Variants in DPAGT1 observed in about 807,000 individuals in gnomAD.
DPAGT1 encodes UDP-N-acetylglucosamine--dolichyl-phosphate N-acetylglucosaminephosphotransferase.
Under a neutral mutation model 39.3 loss-of-function variants are expected in DPAGT1, and 25 were observed. That is an observed-to-expected ratio of 0.64 (90% confidence interval 0.46 to 0.89). DPAGT1 has a LOEUF of 0.89. Ranked by LOEUF, DPAGT1 falls within the 40% of genes least tolerant of loss-of-function variation. The probability of loss-of-function intolerance (pLI) is 0.00; values close to 1 mark genes in which losing one functional copy is unlikely to be tolerated. For synonymous variants in DPAGT1, 193 were observed against 201.4 expected, an observed-to-expected ratio of 0.96 and a Z score of 0.36; for missense variants, 381 against 500.6, an observed-to-expected ratio of 0.76 and a Z score of 2.28.
chr11:119,095,476 C>T, downstream of DPAGT1: 5 of 1,408,404 alleles, frequency 3.6e-6, no homozygotes, highest in East Asian at 5.0e-5. Context: ...GTCGCGCGCG[C>T]GCCGCGAGGC....
chr11:119,095,406 A>G, downstream of DPAGT1: 1 of 1,526,388 alleles, frequency 6.6e-7, no homozygotes, highest in Non-Finnish European at 8.7e-7. Context: ...CTAGCGAGGT[A>G]GACCGGTGAA....
At chr11:119,096,468 TACCCA>T, downstream of DPAGT1, 1 of 178,922 alleles carries the variant, frequency 5.6e-6, no homozygotes, top group Admixed American at 5.4e-5. Flanking sequence ...CCTCCCAATC[TACCCA>T]AAAATGCCCA....
intron 1 of DPAGT1, 126 bp from the exon 2 acceptor site, chr11:119,101,264 G>C: frequency 7.1e-7 from 1 of 1,417,478 alleles, no homozygotes; most frequent in Non-Finnish European, 9.7e-7. Context: ...TAAGTGGTGA[G>C]GGGGGCGGAG....
rs1475992539 is a variant in DPAGT1, at chr11:119,100,297, G to A, written c.608C>T (p.Ala203Val). 10 of 1,614,190 alleles carry A rather than the reference G, an allele frequency of 6.2e-6. No homozygotes were observed. The highest frequency in any genetic ancestry group is 3.3e-5 in the South Asian group (3 of 91,084). Residue 203 changes from alanine (A) to valine (V), a missense_variant, in exon 4 of 9, where the codon GCT (alanine) becomes GTT (valine). Ala to Val is a moderately conservative substitution (Grantham distance 64). Transcript: ENST00000354202. ...LEAGQSLVIS[A>V]SIIVFNLVEL... ...TACCAGGTTGAAGACAATGATGGAA[G>A]CAGAAATGACTAGTGACTGGCCAGC...
chr11:119,101,510 G>C lies in DPAGT1; in HGVS notation c.146C>G (p.Thr49Ser), dbSNP rs996593113. 17 of 1,613,994 alleles carry C rather than the reference G, an allele frequency of 1.1e-5. No homozygotes were observed. The change falls in exon 1 of 9, where the codon ACC (threonine) becomes AGC (serine). Residue 49 changes from threonine to serine, a missense_variant. Thr to Ser is a moderately conservative substitution (Grantham distance 58). Transcript: ENST00000354202. ...ARLCGQDLNK[T>S]SRQQIPESQG... is the part of the protein sequence containing the mutation. ...CGCTGCTCACATCTGCTGTCGGCTG[G>C]TTTTGTTGAGGTCCTGACCACAGAG...
intron 1 of DPAGT1, 147 bp from the exon 2 acceptor site, chr11:119,101,285 AC>A: frequency 7.3e-7 from 1 of 1,368,852 alleles, no homozygotes. Context: ...GGAGGAAAGC[AC>A]CACTGCCAGA....
At chr11:119,095,494 A>C, downstream of DPAGT1, 1 of 1,294,042 alleles carries the variant, frequency 7.7e-7, no homozygotes, top group Non-Finnish European at 1.0e-6. Context: ...GGCCGCCTTT[A>C]TAAGCCCCCA....
Position 119,101,554 on chromosome 11 carries a change from GC to G in DPAGT1, c.101del (p.Gly34AlafsTer27), listed in dbSNP as rs1179405352. ...CACAGAGGCGCGCAGCAATGAAGTG[GC>G]CCCGGAAGGCCGGGATGAGGGTGAC... ...ATVTLIPAFR[G>X]HFIAARLCGQ... On this transcript the variant is annotated frameshift_variant, in exon 1 of 9. Transcript: ENST00000354202. LOFTEE classifies it high-confidence loss of function. The G allele has an allele frequency of 1.2e-6, 2 of 1,614,228 alleles. No individual in the cohort carries two copies. Among genetic ancestry groups the G allele is most frequent in the Non-Finnish European group, 1.7e-6 (2 of 1,180,040 alleles).
intron 3 of DPAGT1, 111 bp from the exon 4 acceptor site, chr11:119,100,519 G>A: frequency 6.3e-7 from 1 of 1,595,016 alleles, no homozygotes. Flanking sequence ...TACCAGAAAG[G>A]ATCTGGGAAG....
At chr11:119,100,910 C>G (rs759540133) in intron 2 of DPAGT1, 67 bp from the exon 3 acceptor site, 46 of 1,613,750 alleles carry the variant, frequency 2.9e-5, no homozygotes, top group Non-Finnish European at 3.8e-5. Context: ...GAATTCCTGT[C>G]TTTTCTGATA....
chr11:119,098,196 T>C lies in DPAGT1; in HGVS notation c.729-153A>G, dbSNP rs1592226497. 8 of 1,164,898 alleles carry C rather than the reference T, an allele frequency of 6.9e-6. No homozygotes were observed. The East Asian group carries it at 1.9e-4, about 28-fold the overall frequency. 72.2% of individuals were successfully genotyped at this position (1,164,898 alleles called of 1,614,324 possible). ...AGCAACTCTGCAGGATCCAAGGCCC[T>C]GAATTCATCTATTCCTGGGGCCTCC... On this transcript the variant is annotated intron_variant, in intron 5 of 8. Transcript: ENST00000354202.
At position 119,097,216 on chromosome 11, in the gene DPAGT1, G is replaced by T; in HGVS notation, c.1087C>A (p.Leu363Ile). ...AGGACTTTAAGTAGCAAGTTGATGA[G>T]GGTCATGTTGTTACATTCAGTGAAT... ...GEFTECNNMT[L>I]INLLLKVLGP... Residue 363 changes from leucine to isoleucine, a missense_variant, in exon 8 of 9, where the codon CTC (leucine) becomes ATC (isoleucine). Transcript: ENST00000354202. This position sits in a 1 kb window ranked among gnomAD's most constrained non-coding sequence, Gnocchi z 4.6. 6.2e-7 allele frequency: 1 copy of T among 1,614,174 alleles called. No individual in the cohort carries two copies. Among genetic ancestry groups the T allele is most frequent in the Non-Finnish European group, 8.5e-7 (1 of 1,180,038 alleles).
Position 119,101,783 on chromosome 11 carries a change from C to G in DPAGT1, c.-128G>C. ...CAGGCTCTTCCCACACCAATCTGAG[C>G]AAAACCCAGCAACTCTGACTTGAGC... On this transcript the variant is annotated 5_prime_UTR_variant, in exon 1 of 9. Transcript: ENST00000354202. The G allele has an allele frequency of 6.5e-7, 1 of 1,550,210 alleles. No individual in the cohort carries two copies.
downstream of DPAGT1, chr11:119,094,569 C>G (rs1946358199): frequency 6.1e-6 from 1 of 164,072 alleles, no homozygotes; most frequent in African/African-American, 2.4e-5. Context: ...CCCTTAGCGA[C>G]TCGGGATGGG....
downstream of DPAGT1, chr11:119,095,284 CT>C: frequency 6.2e-7 from 1 of 1,612,754 alleles, no homozygotes; most frequent in Non-Finnish European, 8.5e-7. Flanking sequence ...CGTAGTGGCC[CT>C]TCCGCAGCAG....
Position 119,097,452 on chromosome 11 carries a change from T to G in DPAGT1, c.1005+12A>C. ...GGCAGCCTAGGGCCTTACCTCCTTG[T>G]TACCCTGTTACCTTTAAAATAAAGG... On this transcript the variant is annotated intron_variant, in intron 7 of 8. Coordinates refer to ENST00000354202, the MANE Select transcript of DPAGT1 (RefSeq NM_001382.4). This position sits in a 1 kb window ranked among gnomAD's most constrained non-coding sequence, Gnocchi z 4.6. The G allele has an allele frequency of 6.2e-7, 1 of 1,614,192 alleles. No homozygotes were observed. The highest frequency in any genetic ancestry group is 8.5e-7 in the Non-Finnish European group (1 of 1,180,014).
At chr11:119,095,511 A>T, downstream of DPAGT1, 1 of 1,124,184 alleles carries the variant, frequency 8.9e-7, no homozygotes, top group Non-Finnish European at 1.2e-6. Flanking sequence ...CCCAGGACAC[A>T]CCTCTGCGCC....
At chr11:119,098,377 G>C in intron 5 of DPAGT1, 26 bp downstream of exon 5, 9 of 1,606,900 alleles carry the variant, frequency 5.6e-6, no homozygotes, top group Non-Finnish European at 7.7e-6. Flanking sequence ...TCAGGTAGTT[G>C]TCCCCTTATC....
chr11:119,094,767 A>C, downstream of DPAGT1: 1 of 587,840 alleles, frequency 1.7e-6, no homozygotes, highest in Admixed American at 3.6e-5. Flanking sequence ...GCGGTGCGGG[A>C]CGGGAGCGGG....
Sources: gnomAD v4.1 joint callset for allele counts on GRCh38, gnomAD v4.1.1 for gene constraint, Gnocchi (gnomAD v3.1) non-coding constraint, MANE v1.5 for transcripts, NCBI Gene and HGNC (gene_info 2026-07-23, HGNC 2026-07-21) for gene names.